PCDHGA7: variants seen among roughly 807,000 people sequenced by gnomAD.
PCDHGA7 encodes the protein protocadherin gamma subfamily A, 7.
A neutral mutation model predicts 58.3 loss-of-function variants in PCDHGA7; 44 were observed. The ratio of observed to expected loss-of-function variants is 0.75; its 90% CI spans 0.59 to 0.97. PCDHGA7 has a LOEUF of 0.97. Among genes scored for constraint, PCDHGA7 ranks in the 50% least tolerant of loss-of-function variants. The probability of loss-of-function intolerance (pLI) is 0.00; values close to 1 mark genes in which losing one functional copy is unlikely to be tolerated. For synonymous variants in PCDHGA7, 516 were observed against 504.2 expected (o/e 1.02, Z -0.31); for missense variants, 1,266 against 1,188.7 (o/e 1.06, Z -0.96).
chr5:141,432,649 A>C lies in PCDHGA7; in HGVS notation c.2424+47326A>C, dbSNP rs769351399. The C allele has an allele frequency of 5.6e-6, 9 of 1,613,742 alleles. No individual in the cohort carries two copies. The highest frequency in any genetic ancestry group is 6.8e-6 in the Non-Finnish European group (8 of 1,179,918). ...ACACGGGCGAGGTGCGCACGGCGCG[A>C]GCCCTGCTGGACAGAGACGCGCTCA... is the stretch of plus-strand genomic sequence containing the variant. On this transcript the variant is annotated intron_variant, in intron 1 of 3. Transcript: ENST00000518325. This position sits in a 1 kb window ranked among gnomAD's most constrained non-coding sequence, Gnocchi z 6.0.
Position 141,491,004 on chromosome 5 carries a change from G to T in PCDHGA7, c.2425-3803G>T. ...CTCGCTCTGCTCCTCCTGGCTCCTT[G>T]GTCACCAAGGTGACAGCCGTGGATG... On this transcript the variant is annotated intron_variant, in intron 1 of 3. Transcript: ENST00000518325. The surrounding 1 kb of genome is among the most constrained non-coding windows in gnomAD (Gnocchi z 6.9). The T allele has an allele frequency of 6.2e-7, 1 of 1,614,024 alleles. No individual in the cohort carries two copies. Among genetic ancestry groups the T allele is most frequent in the Non-Finnish European group, 8.5e-7 (1 of 1,180,026 alleles).
At chr5:141,430,915 G>A (rs565034370) in intron 1 of PCDHGA7, 2 of 1,607,738 alleles carry the variant, frequency 1.2e-6, no homozygotes, top group East Asian at 4.5e-5. Context: ...CCAGGGACCT[G>A]GGGCTGGAGC....
intron 1 of PCDHGA7, among the ~76,000 whole-genome samples, chr5:141,437,431 A>G (rs1282194918): frequency 6.6e-6 from 1 of 152,234 alleles, no homozygotes; most frequent in African/African-American, 2.4e-5. Flanking sequence ...TGAAGCAGCA[A>G]TAGCATAGGA....
chr5:141,398,689 G>A (rs6867460), intron 1 of PCDHGA7: 228,699 of 1,613,720 alleles, frequency 0.14, 18,438 homozygotes, highest in African/African-American at 0.32. Context: ...GAAACAGGAT[G>A]GTAGTAAATA....
At chr5:141,483,329 A>C (rs1463046335) in intron 1 of PCDHGA7, among the ~76,000 whole-genome samples, 3 of 152,182 alleles carry the variant, frequency 2.0e-5, no homozygotes, top group Non-Finnish European at 2.9e-5. Flanking sequence ...GGAGGCAAAG[A>C]GATCTTATCT....
In PCDHGA7 at chr5:141,407,971, G is replaced by C. The variant is rs1399304138; in HGVS notation, c.2424+22648G>C. The C allele has an allele frequency of 7.0e-5, 50 of 717,762 alleles. No homozygotes were observed. In the South Asian group the frequency reaches 1.2e-3, roughly 17 times the overall value. 44.5% of individuals were successfully genotyped at this position (717,762 alleles called of 1,614,324 possible). On this transcript the variant is annotated intron_variant, in intron 1 of 3. Coordinates refer to ENST00000518325, the MANE Select transcript of PCDHGA7 (RefSeq NM_018920.4). The stretch of plus-strand genomic sequence containing the variant: ...CGGCCAGTGCAGAGCAAGCGCTGAC[G>C]CCGGGGATCCGTCAGCCTCTGGCCT...
Position 141,485,468 on chromosome 5 carries a change from A to G in PCDHGA7, c.2425-9339A>G. On this transcript the variant is annotated intron_variant, in intron 1 of 3. Coordinates refer to ENST00000518325, the MANE Select transcript of PCDHGA7 (RefSeq NM_018920.4). This position sits in a 1 kb window ranked among gnomAD's most constrained non-coding sequence, Gnocchi z 5.7. The stretch of plus-strand genomic sequence containing the variant: ...CGACCGAGAGGCACTGTGTGGGCTC[A>G]GTGCCAGCTGCATCGTGCCCCTGGA... 1 of 1,614,166 alleles carries G rather than the reference A, an allele frequency of 6.2e-7. No homozygotes were observed. Among genetic ancestry groups the G allele is most frequent in the Non-Finnish European group, 8.5e-7 (1 of 1,180,020 alleles).
At chr5:141,478,460 C>G (rs759992881) in intron 1 of PCDHGA7, 1 of 1,613,344 alleles carries the variant, frequency 6.2e-7, no homozygotes, top group East Asian at 2.2e-5. Flanking sequence ...AGCCAGTCCA[C>G]TGGCCAGCCG....
chr5:141,388,395 C>G (rs1445370262), intron 1 of PCDHGA7: 2 of 1,613,810 alleles, frequency 1.2e-6, no homozygotes, highest in Non-Finnish European at 8.5e-7. Flanking sequence ...GCAGAATTAC[C>G]AACTCAGTCC....
intron 1 of PCDHGA7, among the ~76,000 whole-genome samples, chr5:141,435,592 C>T (rs573084790): frequency 1.3e-5 from 2 of 152,060 alleles, no homozygotes; most frequent in African/African-American, 2.4e-5. Flanking sequence ...GCAGTAATAT[C>T]GCCTGCTTTT....
chr5:141,426,704 A>C, intron 1 of PCDHGA7: 1 of 440,322 alleles, frequency 2.3e-6, no homozygotes, highest in South Asian at 1.6e-5. Context: ...TTGTTTTACA[A>C]ATCAATGAAC....
chr5:141,415,113 C>T, intron 1 of PCDHGA7: 1 of 1,613,642 alleles, frequency 6.2e-7, no homozygotes, highest in Middle Eastern at 1.7e-4. Context: ...AGCAAAGCCT[C>T]GTAGTGGCCG....
At position 141,490,289 on chromosome 5, in the gene PCDHGA7, T is replaced by C; in HGVS notation, c.2425-4518T>C. ...GATGTCAATGACAATGCCCCAGAGG[T>C]GCTATTGGCCTCTTTGGCCAACCCT... On this transcript the variant is annotated intron_variant, in intron 1 of 3. Transcript: ENST00000518325. This position sits in a 1 kb window ranked among gnomAD's most constrained non-coding sequence, Gnocchi z 5.4. The C allele has an allele frequency of 1.2e-6, 2 of 1,614,096 alleles. No homozygotes were observed. The highest frequency in any genetic ancestry group is 1.7e-6 in the Non-Finnish European group (2 of 1,180,016).
intron 2 of PCDHGA7, among the ~76,000 whole-genome samples, chr5:141,496,103 C>T (rs779317844): frequency 2.0e-5 from 3 of 152,218 alleles, no homozygotes; most frequent in South Asian, 2.1e-4. Flanking sequence ...ACCAACACCC[C>T]GCTCTCTTCC....
Position 141,487,500 on chromosome 5 carries a change from C to G in PCDHGA7, c.2425-7307C>G. 6.2e-7 allele frequency: 1 copy of G among 1,614,178 alleles called. No individual in the cohort carries two copies. Among genetic ancestry groups the G allele is most frequent in the East Asian group, 2.2e-5 (1 of 44,862 alleles). Reference sequence around the variant, plus strand: ...CACTCTCATGGCTGTACACCCTTGGCTTCTGCACCCACTCGGAGTGATAGC... The same window carrying G: ...CACTCTCATGGCTGTACACCCTTGGGTTCTGCACCCACTCGGAGTGATAGC... On this transcript the variant is annotated intron_variant, in intron 1 of 3. Coordinates refer to ENST00000518325, the MANE Select transcript of PCDHGA7 (RefSeq NM_018920.4). The surrounding 1 kb of genome is among the most constrained non-coding windows in gnomAD (Gnocchi z 5.0).
chr5:141,477,571 C>A lies in PCDHGA7; in HGVS notation c.2425-17236C>A, dbSNP rs1470454976. ...TAAACCTAAGTGTCTGGGACCCCGA[C>A]GCCCCGCAGAATGCTCGGCTTTCTT... is the stretch of plus-strand genomic sequence containing the variant. On this transcript the variant is annotated intron_variant, in intron 1 of 3. Coordinates refer to ENST00000518325, the MANE Select transcript of PCDHGA7 (RefSeq NM_018920.4). The surrounding 1 kb of genome is among the most constrained non-coding windows in gnomAD (Gnocchi z 4.9). The A allele has an allele frequency of 3.1e-6, 5 of 1,614,042 alleles. No homozygotes were observed. In the South Asian group the frequency reaches 4.4e-5, roughly 14 times the overall value.
chr5:141,402,845 C>T (rs1273253699), intron 1 of PCDHGA7: 3 of 1,405,122 alleles, frequency 2.1e-6, no homozygotes, highest in Non-Finnish European at 2.8e-6. Flanking sequence ...AAAACTCAGC[C>T]TCTTTCTTCT....
In PCDHGA7 at chr5:141,486,872, C is replaced by T. The variant is rs1320632059; in HGVS notation, c.2425-7935C>T. On this transcript the variant is annotated intron_variant, in intron 1 of 3. Transcript: ENST00000518325. The surrounding 1 kb of genome is among the most constrained non-coding windows in gnomAD (Gnocchi z 5.0). ...CAATGACAATGCTCCAGCTGTGCTC[C>T]GTCCTCGGGCCCGGCCTGGTTCCTT... The T allele has an allele frequency of 3.7e-6, 6 of 1,614,232 alleles. No individual in the cohort carries two copies. Among genetic ancestry groups the T allele is most frequent in the African/African-American group, 1.3e-5 (1 of 75,070 alleles).
At chr5:141,423,460 G>A in intron 1 of PCDHGA7, 1 of 1,614,046 alleles carries the variant, frequency 6.2e-7, no homozygotes, top group Non-Finnish European at 8.5e-7. Context: ...TGTAGGCGTG[G>A]ACGGGGTACA....
Sources: gnomAD v4.1 joint callset for allele counts (sites outside exome capture counted in the v4.1 genomes callset) on GRCh38, gnomAD v4.1.1 for gene constraint, Gnocchi (gnomAD v3.1) non-coding constraint, MANE v1.5 for transcripts, NCBI Gene and HGNC (gene_info 2026-07-23, HGNC 2026-07-21) for gene names.